Variants in MBD5 observed in about 807,000 individuals in gnomAD.
The protein encoded by MBD5 is methyl-CpG binding domain protein 5.
MBD5 carries 13 observed loss-of-function variants against 117.3 expected under a neutral mutation model. The ratio of observed to expected loss-of-function variants is 0.11; its 90% CI spans 0.07 to 0.18. The LOEUF (loss-of-function observed/expected upper bound fraction) is 0.18. Ranked by LOEUF, MBD5 falls within the 10% of genes least tolerant of loss-of-function variation. MBD5 has a pLI of 1.00. For synonymous variants in MBD5, 727 were observed against 766.4 expected, an observed-to-expected ratio of 0.95 and a Z score of 0.85; for missense variants, 1,879 against 2,093.8, an observed-to-expected ratio of 0.90 and a Z score of 2.00.
rs756696814 is a variant in MBD5, at chr2:148,483,450, C to A, written c.2859C>A (p.Ile953=). 37 of 1,613,936 alleles carry A rather than the reference C, an allele frequency of 2.3e-5. No homozygotes were observed. In the East Asian group the frequency reaches 8.0e-4, roughly 35 times the overall value. ...QPSAGEGKSE[I]NLHPLGFLNP... is the part of the protein sequence containing the mutation. ...CAGCAGGAGAAGGCAAGTCTGAGAT[C>A]AACCTCCACCCTTTAGGTTTTCTCA... Residue 953 remains isoleucine (I), a synonymous_variant, in exon 9 of 14, where the codon ATC becomes ATA. Transcript: ENST00000642680.
chr2:148,124,312 C>A (rs1227473), intron 1 of MBD5, among the ~76,000 whole-genome samples: 144,583 of 152,020 alleles, frequency 0.95, 69,139 homozygotes, highest in Non-Finnish European at 1. Context: ...CACACACACA[C>A]AAAAAACAAG....
intron 4 of MBD5, among the ~76,000 whole-genome samples, chr2:148,439,757 A>G (rs1271352709): frequency 1.1e-5 from 1 of 93,816 alleles, no homozygotes. Flanking sequence ...TTTTTTTTTT[A>G]GAGATGCAGT....
chr2:148,474,542 CA>C (rs1467622140), intron 8 of MBD5, among the ~76,000 whole-genome samples: 2 of 151,638 alleles, frequency 1.3e-5, no homozygotes, highest in Admixed American at 6.6e-5. Flanking sequence ...AAAAAAAAAC[CA>C]AAACATTTAA....
chr2:148,275,952 CAT>C (rs1416412736), intron 3 of MBD5, among the ~76,000 whole-genome samples: 4 of 152,038 alleles, frequency 2.6e-5, no homozygotes, highest in Admixed American at 2.0e-4. Context: ...AAAGTTTTCT[CAT>C]ATTTTATTGA....
In MBD5 at chr2:148,513,850, C is replaced by T. The variant is rs1448661408; in HGVS notation, c.*909C>T. The T allele has an allele frequency of 3.3e-5, 5 of 152,338 alleles. No individual in the cohort carries two copies. The allele number at this position is 152,338 out of a possible 1,614,324, so 9.4% of individuals were successfully genotyped here. On this transcript the variant is annotated 3_prime_UTR_variant, in exon 14 of 14. Transcript: ENST00000642680. ...CAGATAGCTTATACTGACTGCACCACCGCTGGTGCTCAGAATTGAGGGTTT... is the reference window on the plus strand; with the variant it reads ...CAGATAGCTTATACTGACTGCACCATCGCTGGTGCTCAGAATTGAGGGTTT...
chr2:148,507,492 G>T (rs1280584840), intron 12 of MBD5, among the ~76,000 whole-genome samples: 1 of 152,166 alleles, frequency 6.6e-6, no homozygotes, highest in Non-Finnish European at 1.5e-5. Context: ...GGGCGCGGTG[G>T]CTCACGCCTG....
chr2:148,430,669 T>C (rs1350745165), intron 4 of MBD5, among the ~76,000 whole-genome samples: 2 of 152,132 alleles, frequency 1.3e-5, no homozygotes, highest in Non-Finnish European at 2.9e-5. Context: ...TTTTCAGAGA[T>C]TTTATATCTA....
intron 9 of MBD5, 59 bp from the exon 10 acceptor site, chr2:148,485,683 G>C: frequency 7.9e-7 from 1 of 1,269,920 alleles, no homozygotes; most frequent in Non-Finnish European, 1.1e-6. Context: ...GGTACAAAGA[G>C]AGGCATCGAA....
chr2:148,383,522 G>C (rs1389396791), intron 4 of MBD5, among the ~76,000 whole-genome samples: 2 of 152,024 alleles, frequency 1.3e-5, no homozygotes, highest in African/African-American at 4.8e-5. Flanking sequence ...AATTCTACCA[G>C]AGATACAAGG....
chr2:148,407,211 G>A (rs573286204), intron 4 of MBD5, among the ~76,000 whole-genome samples: 1 of 152,198 alleles, frequency 6.6e-6, no homozygotes, highest in East Asian at 1.9e-4. Context: ...GAACATAAAT[G>A]TTATTGTCTC....
At chr2:148,509,900 A>T (rs1341930533) in intron 12 of MBD5, among the ~76,000 whole-genome samples, 160 bp from the exon 13 acceptor site, 1 of 152,252 alleles carries the variant, frequency 6.6e-6, no homozygotes, top group Non-Finnish European at 1.5e-5. Context: ...ATTCAGTGAT[A>T]AGAATCCCAG....
intron 4 of MBD5, among the ~76,000 whole-genome samples, chr2:148,423,608 A>G (rs1326626996): frequency 6.6e-6 from 1 of 152,232 alleles, no homozygotes; most frequent in Non-Finnish European, 1.5e-5. Flanking sequence ...ACCAAATTGT[A>G]AAGACCATCG....
rs185354649 is a variant in MBD5 at position 148,393,563 on chromosome 2, A to G, written c.-557+51227A>G. On this transcript the variant is annotated intron_variant, in intron 4 of 13. Transcript: ENST00000642680. ...ACCCCCAAAATAAAAAAGAACAAAA[A>G]AAATTGATCCCTATGCACCAACACT... Among the ~76,000 whole-genome samples the G allele has an allele frequency of 3.2e-3, 486 of 152,262 alleles. 2 individuals are homozygous for G. Among genetic ancestry groups the G allele is most frequent in the Admixed American group, 4.8e-3 (74 of 15,298 alleles).
intron 4 of MBD5, among the ~76,000 whole-genome samples, chr2:148,378,684 T>G (rs1315440587): frequency 6.6e-6 from 1 of 152,098 alleles, no homozygotes; most frequent in East Asian, 1.9e-4. Context: ...TTTAAAAATA[T>G]TCATTTGGCT....
intron 6 of MBD5, 144 bp downstream of exon 6, chr2:148,462,828 G>GT: frequency 6.2e-6 from 4 of 649,838 alleles, no homozygotes; most frequent in South Asian, 1.9e-5. Context: ...TTTTGCATGT[G>GT]TTTTGGAATG....
chr2:148,080,231 G>A (rs1426520804), intron 1 of MBD5, among the ~76,000 whole-genome samples: 1 of 151,954 alleles, frequency 6.6e-6, no homozygotes, highest in African/African-American at 2.4e-5. Flanking sequence ...AGTCAGTTTT[G>A]GTACAATGGA....
chr2:148,033,511 T>C (rs1694100264), intron 1 of MBD5, among the ~76,000 whole-genome samples: 1 of 152,210 alleles, frequency 6.6e-6, no homozygotes. Flanking sequence ...CTTTGGACAC[T>C]AGTTTCTGTC....
chr2:148,213,046 C>T (rs1840140), intron 2 of MBD5, among the ~76,000 whole-genome samples: 16,319 of 152,152 alleles, frequency 0.11, 910 homozygotes, highest in South Asian at 0.15. Context: ...TCTTTGTACT[C>T]GTCTCCTTCC....
chr2:148,398,086 C>T (rs1205389078), intron 4 of MBD5, among the ~76,000 whole-genome samples: 2 of 152,150 alleles, frequency 1.3e-5, no homozygotes, highest in Non-Finnish European at 2.9e-5. Context: ...CAAGTCTTTG[C>T]TATTGTGAAT....
Sources: gnomAD v4.1 joint callset for allele counts (sites outside exome capture counted in the v4.1 genomes callset) on GRCh38, gnomAD v4.1.1 for gene constraint, MANE v1.5 for transcripts, NCBI Gene and HGNC (gene_info 2026-07-23, HGNC 2026-07-21) for gene names.